The following NLGN1 variants were observed in gnomAD, a reference collection of about 807,000 sequenced individuals.
NLGN1 encodes neuroligin-1.
Under a neutral mutation model 65.5 loss-of-function variants are expected in NLGN1, and 12 were observed. That is an observed-to-expected ratio of 0.18 (90% CI 0.12 to 0.30). NLGN1 has a LOEUF of 0.30. Among genes scored for constraint, NLGN1 ranks in the 10% least tolerant of loss-of-function variants. The pLI is 1.00. For missense variants in NLGN1, 750 were observed against 1,007.1 expected (o/e 0.74, Z 3.46); for synonymous variants, 350 against 359.5 (o/e 0.97, Z 0.30).
chr3:173,828,482 A>G (rs913473460), intron 4 of NLGN1, among the ~76,000 whole-genome samples: 1 of 152,272 alleles, frequency 6.6e-6, no homozygotes, highest in Admixed American at 6.5e-5. Context: ...CTTCTATGCT[A>G]GATACTGATC....
At chr3:173,782,166 A>T (rs1037344131) in intron 3 of NLGN1, among the ~76,000 whole-genome samples, 4 of 152,182 alleles carry the variant, frequency 2.6e-5, no homozygotes, top group Admixed American at 2.6e-4. Context: ...TTAGACACGA[A>T]ATCTAACCAT....
intron 3 of NLGN1, among the ~76,000 whole-genome samples, chr3:173,665,771 G>T (rs553557724): frequency 4.9e-4 from 75 of 152,248 alleles, no homozygotes; most frequent in African/African-American, 1.7e-3. Flanking sequence ...AATGTGCAGA[G>T]AAAAGAAATA....
At chr3:173,667,174 G>T (rs1761816532) in intron 3 of NLGN1, among the ~76,000 whole-genome samples, 1 of 151,396 alleles carries the variant, frequency 6.6e-6, no homozygotes, top group Non-Finnish European at 1.5e-5. Flanking sequence ...TGTTGGATTT[G>T]TTGGGCATTT....
chr3:173,820,194 A>C (rs73880589), intron 4 of NLGN1, among the ~76,000 whole-genome samples: 17,582 of 151,568 alleles, frequency 0.12, 1,202 homozygotes, highest in African/African-American at 0.16. Context: ...AAAAAAAAAA[A>C]AAAAAAAAAC....
Position 174,089,854 on chromosome 3 carries a change from GTAAGCTC to G in NLGN1, c.647-185458_647-185452del, listed in dbSNP as rs559480794. ...TTCACAAATGCATTCAGAGGGCAGAGTAAGCTCTATAATATTTGCCTTGGGGACTGCA... is the reference window on the plus strand; with the variant it reads ...TTCACAAATGCATTCAGAGGGCAGAGTATAATATTTGCCTTGGGGACTGCA... On this transcript the variant is annotated intron_variant, in intron 4 of 6. Transcript: ENST00000457714. Among the ~76,000 whole-genome samples, 660 of 151,198 alleles carry G rather than the reference GTAAGCTC, an allele frequency of 4.4e-3. 7 individuals are homozygous for G. The highest frequency in any genetic ancestry group is 7.6e-3 in the Non-Finnish European group (519 of 67,888).
chr3:174,020,849 A>G (rs1208155924), intron 4 of NLGN1, among the ~76,000 whole-genome samples: 1 of 152,152 alleles, frequency 6.6e-6, no homozygotes, highest in East Asian at 1.9e-4. Flanking sequence ...TCTTACATAA[A>G]TGTCTGGAAT....
chr3:173,506,536 G>A (rs908324095), intron 2 of NLGN1, among the ~76,000 whole-genome samples: 12 of 151,870 alleles, frequency 7.9e-5, no homozygotes, highest in African/African-American at 2.9e-4. Context: ...TCATTTTACA[G>A]TTGTTACAGG....
At chr3:174,089,932 C>G (rs986529158) in intron 4 of NLGN1, among the ~76,000 whole-genome samples, 1 of 150,148 alleles carries the variant, frequency 6.7e-6, no homozygotes, top group African/African-American at 2.5e-5. Context: ...ATTTGGCAGA[C>G]GTAGGTTTTA....
At chr3:174,170,787 A>AG (rs1182010049) in intron 4 of NLGN1, among the ~76,000 whole-genome samples, 6 of 152,212 alleles carry the variant, frequency 3.9e-5, no homozygotes, top group Admixed American at 3.3e-4. Context: ...AAGAAATTTA[A>AG]GTAGTATTAG....
intron 4 of NLGN1, among the ~76,000 whole-genome samples, chr3:174,262,896 G>A (rs1334956836): frequency 3.3e-4 from 34 of 103,654 alleles, no homozygotes; most frequent in African/African-American, 1.1e-3. Context: ...CTTTGTTCTC[G>A]TTGGTTTCAA....
chr3:173,813,497 A>G (rs893536688), intron 4 of NLGN1, among the ~76,000 whole-genome samples: 3 of 152,194 alleles, frequency 2.0e-5, no homozygotes. Flanking sequence ...TACCGGAGGA[A>G]GGCCACAAAG....
At chr3:174,266,272 A>G (rs1256008644) in intron 4 of NLGN1, among the ~76,000 whole-genome samples, 1 of 152,000 alleles carries the variant, frequency 6.6e-6, no homozygotes, top group Non-Finnish European at 1.5e-5. Context: ...TGTGTATTCA[A>G]TATTTAACCT....
At chr3:174,204,979 C>T (rs896980642) in intron 4 of NLGN1, among the ~76,000 whole-genome samples, 2 of 152,072 alleles carry the variant, frequency 1.3e-5, no homozygotes, top group Non-Finnish European at 2.9e-5. Context: ...AGAAATAGAA[C>T]ACAGAAAACT....
intron 1 of NLGN1, among the ~76,000 whole-genome samples, chr3:173,418,780 G>A (rs1714325723): frequency 6.6e-6 from 1 of 151,876 alleles, no homozygotes; most frequent in Non-Finnish European, 1.5e-5. Flanking sequence ...TAACCCATAT[G>A]TTCTTTAGAT....
intron 4 of NLGN1, among the ~76,000 whole-genome samples, chr3:174,137,405 C>T (rs913843429): frequency 1.3e-5 from 2 of 152,098 alleles, no homozygotes; most frequent in Admixed American, 1.3e-4. Flanking sequence ...TTAGAAGTCA[C>T]TAATCTAGGT....
intron 3 of NLGN1, among the ~76,000 whole-genome samples, chr3:173,734,465 T>C (rs1773418021): frequency 7.2e-6 from 1 of 139,302 alleles, no homozygotes; most frequent in Non-Finnish European, 1.5e-5. Flanking sequence ...GGCTCAATCA[T>C]AGCTCATTGT....
At chr3:173,585,763 C>T (rs1366378129) in intron 2 of NLGN1, among the ~76,000 whole-genome samples, 2 of 152,212 alleles carry the variant, frequency 1.3e-5, no homozygotes, top group Non-Finnish European at 2.9e-5. Context: ...CTGCCTGCCT[C>T]GCCACTTACT....
At chr3:173,895,740 G>T (rs1366326172) in intron 4 of NLGN1, among the ~76,000 whole-genome samples, 1 of 151,972 alleles carries the variant, frequency 6.6e-6, no homozygotes, top group Non-Finnish European at 1.5e-5. Context: ...GCCCAGGCTG[G>T]AGTGTAGTGG....
At chr3:173,775,133 G>A (rs1167656300) in intron 3 of NLGN1, among the ~76,000 whole-genome samples, 1 of 151,970 alleles carries the variant, frequency 6.6e-6, no homozygotes, top group Non-Finnish European at 1.5e-5. Context: ...AATCAAATAT[G>A]CTTCTGTTTT....
Sources: gnomAD v4.1 joint callset for allele counts (sites outside exome capture counted in the v4.1 genomes callset) on GRCh38, gnomAD v4.1.1 for gene constraint, MANE v1.5 for transcripts, NCBI Gene and HGNC (gene_info 2026-07-23, HGNC 2026-07-21) for gene names.